The following TRDN variants were observed in gnomAD, a reference collection of about 807,000 sequenced individuals.
The protein encoded by TRDN is triadin, also known as triadin in skeletal muscle.
A neutral mutation model predicts 149.7 loss-of-function variants in TRDN; 161 were observed. That is an observed-to-expected ratio of 1.08 (90% CI 0.95 to 1.23). The LOEUF is 1.23. TRDN is among the 50% of genes most tolerant of loss of function. TRDN has a pLI of 0.00. For synonymous variants in TRDN, 294 were observed against 250.5 expected (o/e 1.17, Z -1.64); for missense variants, 896 against 823.5 (o/e 1.09, Z -1.08).
intron 23 of TRDN, among the ~76,000 whole-genome samples, chr6:123,318,119 C>A (rs572338756): frequency 1.3e-5 from 2 of 151,938 alleles, no homozygotes; most frequent in African/African-American, 4.8e-5. Flanking sequence ...ACTTAGTCTA[C>A]AATACACAAT....
chr6:123,616,208 C>T (rs1474237904), intron 1 of TRDN, among the ~76,000 whole-genome samples: 3 of 151,898 alleles, frequency 2.0e-5, no homozygotes, highest in Non-Finnish European at 4.4e-5. Flanking sequence ...AGCTGGGTGT[C>T]GTGGCATGTG....
chr6:123,391,738 G>A (rs1206200150), intron 13 of TRDN, among the ~76,000 whole-genome samples: 1 of 151,818 alleles, frequency 6.6e-6, no homozygotes, highest in African/African-American at 2.4e-5. Flanking sequence ...GTCCTTTGTT[G>A]TAAAAGTTAA....
At chr6:123,530,841 G>C (rs1039129648) in intron 4 of TRDN, among the ~76,000 whole-genome samples, 8 of 151,796 alleles carry the variant, frequency 5.3e-5, no homozygotes, top group African/African-American at 1.7e-4. Context: ...CATTTTCAGT[G>C]CTAAAATTGG....
chr6:123,450,125 T>A (rs1196419216), intron 10 of TRDN, among the ~76,000 whole-genome samples: 1 of 152,086 alleles, frequency 6.6e-6, no homozygotes, highest in Non-Finnish European at 1.5e-5. Flanking sequence ...CTTTAAAGCA[T>A]AAATCACATA....
chr6:123,536,411 A>G (rs1780531869), intron 4 of TRDN, among the ~76,000 whole-genome samples: 1 of 152,090 alleles, frequency 6.6e-6, no homozygotes, highest in Non-Finnish European at 1.5e-5. Flanking sequence ...AACTTTCAAA[A>G]TACTATTTAA....
At chr6:123,307,454 A>G (rs1778655965) in intron 24 of TRDN, among the ~76,000 whole-genome samples, 1 of 152,098 alleles carries the variant, frequency 6.6e-6, no homozygotes, top group South Asian at 2.1e-4. Flanking sequence ...GATTCTACAT[A>G]CAAGAATATC....
At chr6:123,294,184 C>T (rs1008661466) in intron 24 of TRDN, among the ~76,000 whole-genome samples, 6 of 152,020 alleles carry the variant, frequency 3.9e-5, no homozygotes, top group South Asian at 2.1e-4. Context: ...TATTAACAAC[C>T]GTGGACAAGT....
chr6:123,574,954 G>T (rs1341970484), intron 1 of TRDN, among the ~76,000 whole-genome samples: 1 of 144,618 alleles, frequency 6.9e-6, no homozygotes, highest in Non-Finnish European at 1.5e-5. Flanking sequence ...AGAAATGCAA[G>T]CTCTGAGTTA....
chr6:123,569,574 G>A (rs1030897075), intron 2 of TRDN, among the ~76,000 whole-genome samples: 2 of 152,148 alleles, frequency 1.3e-5, no homozygotes, highest in African/African-American at 2.4e-5. Context: ...AGGTTTAATA[G>A]GCTCACAGTT....
intron 21 of TRDN, among the ~76,000 whole-genome samples, chr6:123,347,751 G>A (rs1343233918): frequency 1.3e-5 from 2 of 152,012 alleles, no homozygotes; most frequent in Non-Finnish European, 2.9e-5. Flanking sequence ...CAATATTAGA[G>A]ATGGAAGGTC....
intron 21 of TRDN, among the ~76,000 whole-genome samples, chr6:123,344,361 C>T (rs1421994768): frequency 2.0e-5 from 3 of 152,122 alleles, no homozygotes; most frequent in South Asian, 2.1e-4. Context: ...TATAATGACA[C>T]GTATCTGCCA....
At chr6:123,345,112 A>G (rs1030253817) in intron 21 of TRDN, among the ~76,000 whole-genome samples, 12 of 151,818 alleles carry the variant, frequency 7.9e-5, no homozygotes, top group African/African-American at 2.9e-4. Context: ...TTAAAATGTA[A>G]TTGTCAAACC....
chr6:123,327,243 C>T (rs189113364), intron 23 of TRDN, among the ~76,000 whole-genome samples: 156 of 152,092 alleles, frequency 1.0e-3, no homozygotes, highest in African/African-American at 3.6e-3. Context: ...TTCCTATACC[C>T]GTACTATTTC....
intron 6 of TRDN, among the ~76,000 whole-genome samples, chr6:123,515,271 A>G (rs1316462986): frequency 2.0e-5 from 3 of 152,046 alleles, no homozygotes; most frequent in Non-Finnish European, 2.9e-5. Flanking sequence ...AAAATAATTC[A>G]TGATCTGAAT....
At chr6:123,606,095 T>C (rs1784515408) in intron 1 of TRDN, among the ~76,000 whole-genome samples, 1 of 152,114 alleles carries the variant, frequency 6.6e-6, no homozygotes, top group Non-Finnish European at 1.5e-5. Context: ...ATATTTATAG[T>C]GCAAGCAAGA....
chr6:123,411,229 T>C (rs1437064626), intron 12 of TRDN, among the ~76,000 whole-genome samples: 1 of 151,888 alleles, frequency 6.6e-6, no homozygotes, highest in Non-Finnish European at 1.5e-5. Flanking sequence ...GTATTTTTAG[T>C]AGAGACGAGC....
At chr6:123,523,248 A>G (rs1212617113) in intron 5 of TRDN, among the ~76,000 whole-genome samples, 4 of 152,100 alleles carry the variant, frequency 2.6e-5, no homozygotes, top group Non-Finnish European at 5.9e-5. Flanking sequence ...AGAGCATACA[A>G]AAAAAGTGCA....
intron 38 of TRDN, among the ~76,000 whole-genome samples, chr6:123,241,789 T>A (rs7764953): frequency 0.82 from 125,324 of 151,910 alleles, 52,309 homozygotes; most frequent in African/African-American, 0.93. Context: ...TATCTCAAAG[T>A]TTATAATGAT....
intron 32 of TRDN, 107 bp downstream of exon 32, chr6:123,267,600 A>T: frequency 1.4e-6 from 1 of 731,674 alleles, no homozygotes; most frequent in East Asian, 3.1e-5. Context: ...AGGACAACAC[A>T]TTACCAGGAA....
Sources: gnomAD v4.1 joint callset for allele counts (sites outside exome capture counted in the v4.1 genomes callset) on GRCh38, gnomAD v4.1.1 for gene constraint, MANE v1.5 for transcripts, NCBI Gene and HGNC (gene_info 2026-07-23, HGNC 2026-07-21) for gene names.